The following ERBIN variants were observed in gnomAD, a reference collection of about 807,000 sequenced individuals.
ERBIN encodes erbb2 interacting protein, also known as densin-180-like protein.
A neutral mutation model predicts 158.4 loss-of-function variants in ERBIN; 60 were observed. That is an observed-to-expected ratio of 0.38 (90% CI 0.31 to 0.47). ERBIN has a LOEUF of 0.47. Among genes scored for constraint, ERBIN ranks in the 20% least tolerant of loss-of-function variants. ERBIN has a pLI of 0.99. For synonymous variants in ERBIN, 594 were observed against 557.2 expected (o/e 1.07, Z -0.93); for missense variants, 1,610 against 1,648.0 (o/e 0.98, Z 0.40).
At chr5:65,938,702 G>A (rs997681428) in intron 1 of ERBIN, among the ~76,000 whole-genome samples, 10 of 152,030 alleles carry the variant, frequency 6.6e-5, no homozygotes, top group Admixed American at 3.9e-4. Flanking sequence ...ACAGGTGCAC[G>A]CCATCATGCC....
intron 4 of ERBIN, among the ~76,000 whole-genome samples, chr5:66,006,662 T>C (rs1253197815): frequency 2.0e-5 from 3 of 151,884 alleles, no homozygotes; most frequent in African/African-American, 7.3e-5. Flanking sequence ...AGGGCTAATA[T>C]CCAGAATCTA....
intron 15 of ERBIN, among the ~76,000 whole-genome samples, chr5:66,038,713 G>A (rs1057271568): frequency 1.3e-5 from 2 of 151,990 alleles, no homozygotes; most frequent in Admixed American, 1.3e-4. Context: ...AAACCGCAGT[G>A]TTAAAATTGA....
intron 1 of ERBIN, 85 bp downstream of exon 1, chr5:65,926,891 A>G (rs1742713518): frequency 1.3e-5 from 2 of 151,494 alleles, no homozygotes. Flanking sequence ...AGTGTTTTTC[A>G]CTCTTCTCCA....
chr5:65,943,462 C>G (rs1009461031), intron 1 of ERBIN, among the ~76,000 whole-genome samples: 2 of 152,140 alleles, frequency 1.3e-5, no homozygotes, highest in Non-Finnish European at 2.9e-5. Context: ...TTCTGGAAAA[C>G]TGAAATTTGA....
At chr5:65,933,791 A>T (rs568288240) in intron 1 of ERBIN, among the ~76,000 whole-genome samples, 59 of 152,282 alleles carry the variant, frequency 3.9e-4, no homozygotes, top group Non-Finnish European at 7.1e-4. Flanking sequence ...AGATATTTTT[A>T]AATTAAATTT....
intron 18 of ERBIN, among the ~76,000 whole-genome samples, chr5:66,047,476 A>T (rs559674365): frequency 6.6e-6 from 1 of 152,188 alleles, no homozygotes; most frequent in East Asian, 1.9e-4. Context: ...TTCATGAATG[A>T]AAAATGATTG....
rs564593722 is a variant in ERBIN, at chr5:66,030,573, T to G, written c.1206+2230T>G. On this transcript the variant is annotated intron_variant, in intron 14 of 25. Transcript: ENST00000284037. The stretch of plus-strand genomic sequence containing the variant: ...TAGTACAGTAGCACCTTTTTTTTTT[T>G]TTTTTTTGCGGCGGGGTCTTACTCT... 2.0e-5 allele frequency among the ~76,000 whole-genome samples: 3 copies of G among 151,150 alleles called. No individual in the cohort carries two copies. The South Asian group carries it at 6.3e-4, about 32-fold the overall frequency.
chr5:66,023,877 C>G (rs1371254259), intron 9 of ERBIN, among the ~76,000 whole-genome samples: 3 of 151,950 alleles, frequency 2.0e-5, no homozygotes, highest in African/African-American at 7.3e-5. Flanking sequence ...CGGGATTTCA[C>G]CGTGTTAGCC....
At chr5:65,976,515 TTTTTC>T (rs1008957657) in intron 1 of ERBIN, among the ~76,000 whole-genome samples, 2 of 149,078 alleles carry the variant, frequency 1.3e-5, no homozygotes, top group African/African-American at 5.2e-5. Context: ...TTTCTTTTCT[TTTTTC>T]TTTTTTTTTT....
chr5:65,945,553 A>T (rs1431289672), intron 1 of ERBIN, among the ~76,000 whole-genome samples: 1 of 152,128 alleles, frequency 6.6e-6, no homozygotes, highest in Non-Finnish European at 1.5e-5. Flanking sequence ...CAAACACTGC[A>T]CCCTTTTCCT....
At chr5:65,982,523 C>G (rs1750767606) in intron 1 of ERBIN, among the ~76,000 whole-genome samples, 1 of 152,186 alleles carries the variant, frequency 6.6e-6, no homozygotes, top group African/African-American at 2.4e-5. Context: ...TTTGATCACT[C>G]TTTTCCAAAA....
intron 1 of ERBIN, among the ~76,000 whole-genome samples, chr5:65,967,888 G>GC (rs1197578846): frequency 6.6e-6 from 1 of 152,148 alleles, no homozygotes; most frequent in African/African-American, 2.4e-5. Flanking sequence ...AGGGCCATGA[G>GC]CCAGAGCACC....
intron 1 of ERBIN, among the ~76,000 whole-genome samples, chr5:65,951,921 TTCTTG>T (rs1244935191): frequency 2.6e-5 from 4 of 152,236 alleles, no homozygotes; most frequent in South Asian, 2.1e-4. Flanking sequence ...GATGTTAATT[TTCTTG>T]TCTTTCTCTT....
At chr5:65,937,848 G>A (rs988290987) in intron 1 of ERBIN, among the ~76,000 whole-genome samples, 5 of 152,198 alleles carry the variant, frequency 3.3e-5, no homozygotes, top group Admixed American at 1.3e-4. Context: ...GGCGGAGCTT[G>A]TAGTGAGCCG....
At chr5:66,064,424 A>G (rs976871988) in intron 21 of ERBIN, among the ~76,000 whole-genome samples, 3 of 152,164 alleles carry the variant, frequency 2.0e-5, no homozygotes, top group African/African-American at 7.2e-5. Flanking sequence ...ATATTTCTCA[A>G]TTTTCACATG....
intron 1 of ERBIN, among the ~76,000 whole-genome samples, chr5:65,927,983 A>T (rs553624971): frequency 6.6e-6 from 1 of 152,256 alleles, no homozygotes; most frequent in African/African-American, 2.4e-5. Context: ...AAATTTGGTA[A>T]TCCTGTTGGT....
At chr5:65,953,645 A>G (rs913101913) in intron 1 of ERBIN, among the ~76,000 whole-genome samples, 2 of 152,210 alleles carry the variant, frequency 1.3e-5, no homozygotes, top group African/African-American at 4.8e-5. Context: ...GAGATTTGAT[A>G]TCAATTATTT....
intron 1 of ERBIN, among the ~76,000 whole-genome samples, chr5:65,946,868 T>C (rs893849317): frequency 6.6e-6 from 1 of 152,006 alleles, no homozygotes; most frequent in African/African-American, 2.4e-5. Flanking sequence ...CATGTTAGCC[T>C]TTTCCTAATG....
chr5:65,985,208 C>T (rs1751090519), intron 1 of ERBIN, among the ~76,000 whole-genome samples: 1 of 152,212 alleles, frequency 6.6e-6, no homozygotes, highest in Non-Finnish European at 1.5e-5. Flanking sequence ...ATTCTCTCGC[C>T]TCAGCCTCTT....
Sources: allele counts gnomAD v4.1 joint callset (sites outside exome capture counted in the v4.1 genomes callset), GRCh38; gene constraint gnomAD v4.1.1; transcripts MANE v1.5; gene names NCBI Gene and HGNC (gene_info 2026-07-23, HGNC 2026-07-21).